The following DNAJC10 variants were observed in gnomAD, a reference collection of about 807,000 sequenced individuals.
DNAJC10 encodes the protein DnaJ heat shock protein family (Hsp40) member C10, also known as endoplasmic reticulum disulfide reductase DNAJC10.
A neutral mutation model predicts 115.0 loss-of-function variants in DNAJC10; 101 were observed. The ratio of observed to expected loss-of-function variants is 0.88; its 90% CI spans 0.75 to 1.04. The LOEUF is 1.04. Among genes scored for constraint, DNAJC10 ranks in the 50% least tolerant of loss-of-function variants. The pLI is 0.00. For missense variants in DNAJC10, 981 were observed against 928.8 expected, an observed-to-expected ratio of 1.06 and a Z score of -0.73; for synonymous variants, 307 against 301.5, an observed-to-expected ratio of 1.02 and a Z score of -0.19.
At chr2:182,728,134 A>G (rs1444339720) in intron 5 of DNAJC10, among the ~76,000 whole-genome samples, 1 of 152,182 alleles carries the variant, frequency 6.6e-6, no homozygotes, top group Admixed American at 6.5e-5. Context: ...GACTAAACCT[A>G]CTTAACCTGT....
At chr2:182,742,277 T>G (rs1359796073) in intron 13 of DNAJC10, among the ~76,000 whole-genome samples, 1 of 152,150 alleles carries the variant, frequency 6.6e-6, no homozygotes, top group African/African-American at 2.4e-5. Context: ...CTCAGCCTCA[T>G]GGGTTCAAGT....
In DNAJC10 at chr2:182,792,752, T is replaced by A. The variant is rs756877457; in HGVS notation, c.*15620T>A. ...GGCCTTCCTGAATAGAAATCATTTATGAGGAAGTTACATGAGCTCAACATG... is the reference window on the plus strand; with the variant it reads ...GGCCTTCCTGAATAGAAATCATTTAAGAGGAAGTTACATGAGCTCAACATG... On this transcript the variant is annotated 3_prime_UTR_variant, in exon 24 of 24. Transcript: ENST00000264065. 2 of 152,232 alleles carry A rather than the reference T, an allele frequency of 1.3e-5. No individual in the cohort carries two copies. Among genetic ancestry groups the A allele is most frequent in the Non-Finnish European group, 2.9e-5 (2 of 68,048 alleles). The allele number at this position is 152,232 out of a possible 1,614,324, so 9.4% of individuals were successfully genotyped here.
rs113946030 is a variant in DNAJC10 at position 182,788,834 on chromosome 2, T to G, written c.*11702T>G. On this transcript the variant is annotated 3_prime_UTR_variant, in exon 24 of 24. Transcript: ENST00000264065. ...TCACTTAGTATGTCTACGGATTTTT[T>G]GGGGAAGAGAGATTTCACGTTAAAG... The G allele has an allele frequency of 3.4e-4, 157 of 456,398 alleles. 1 individual carries two copies. Among genetic ancestry groups the G allele is most frequent in the African/African-American group, 2.8e-3 (139 of 50,160 alleles). The allele number at this position is 456,398 out of a possible 1,614,324, so 28.3% of individuals were successfully genotyped here. A position where few individuals can be genotyped will look rare whatever the true frequency, so the allele number is the denominator to read the frequency against.
intron 5 of DNAJC10, among the ~76,000 whole-genome samples, chr2:182,723,143 G>A (rs1011860117): frequency 1.4e-5 from 2 of 147,204 alleles, no homozygotes; most frequent in African/African-American, 2.5e-5. Context: ...GGGTTCAAGC[G>A]ATTCTCCTGC....
Position 182,780,967 on chromosome 2 carries a change from GCTGT to G in DNAJC10, c.*3836_*3839del, listed in dbSNP as rs1411821306. On this transcript the variant is annotated 3_prime_UTR_variant, in exon 24 of 24. Transcript: ENST00000264065. ...GATAGACAATCTTCATTAAGCAACT[GCTGT>G]TTTTTTTTTTTAATACTTCAAGTTC... is the stretch of plus-strand genomic sequence containing the variant. 1.2e-5 allele frequency: 1 copy of G among 83,884 alleles called. No homozygotes were observed. Among genetic ancestry groups the G allele is most frequent in the Non-Finnish European group, 2.4e-5 (1 of 42,010 alleles). 5.2% of individuals were successfully genotyped at this position (83,884 alleles called of 1,614,324 possible). A position where few individuals can be genotyped will look rare whatever the true frequency, so the allele number is the denominator to read the frequency against.
chr2:182,745,543 T>C (rs531336258), intron 14 of DNAJC10, among the ~76,000 whole-genome samples: 1 of 152,220 alleles, frequency 6.6e-6, no homozygotes, highest in Non-Finnish European at 1.5e-5. Flanking sequence ...TTACATTGTT[T>C]CTTTGGATTA....
Position 182,786,385 on chromosome 2 carries a change from C to G in DNAJC10, c.*9253C>G, listed in dbSNP as rs1038970010. 1.3e-5 allele frequency: 2 copies of G among 152,156 alleles called. No homozygotes were observed. The highest frequency in any genetic ancestry group is 2.9e-5 in the Non-Finnish European group (2 of 68,030). The allele number at this position is 152,156 out of a possible 1,614,324, so 9.4% of individuals were successfully genotyped here. The stretch of plus-strand genomic sequence containing the variant: ...ATTTCACCATTTTGAGCCTCAAGCT[C>G]TCAATATACTGGAAAATTGTAATCC... On this transcript the variant is annotated 3_prime_UTR_variant, in exon 24 of 24. Coordinates refer to ENST00000264065, the MANE Select transcript of DNAJC10 (RefSeq NM_018981.4).
intron 22 of DNAJC10, among the ~76,000 whole-genome samples, chr2:182,772,304 G>C (rs916169393): frequency 1.3e-5 from 2 of 152,168 alleles, no homozygotes; most frequent in African/African-American, 4.8e-5. Flanking sequence ...TGTTGATTTG[G>C]GGTGGAGAGT....
chr2:182,787,437 G>A lies in DNAJC10; in HGVS notation c.*10305G>A, dbSNP rs904644832. On this transcript the variant is annotated 3_prime_UTR_variant, in exon 24 of 24. Transcript: ENST00000264065. ...CTATTCAAGAAGTTTATACAAACCC[G>A]TAATGTACTACCAAACCGTTCATTC... 2 of 152,260 alleles carry A rather than the reference G, an allele frequency of 1.3e-5. No homozygotes were observed. Among genetic ancestry groups the A allele is most frequent in the African/African-American group, 2.4e-5 (1 of 41,554 alleles). The allele number at this position is 152,260 out of a possible 1,614,324, so 9.4% of individuals were successfully genotyped here.
intron 22 of DNAJC10, among the ~76,000 whole-genome samples, chr2:182,768,641 C>T (rs1694477825): frequency 6.6e-6 from 1 of 152,098 alleles, no homozygotes; most frequent in Admixed American, 6.6e-5. Flanking sequence ...GGCCCCAGAT[C>T]CAAATAAGCA....
chr2:182,781,338 G>A lies in DNAJC10; in HGVS notation c.*4206G>A, dbSNP rs558085787. 1 of 152,118 alleles carries A rather than the reference G, an allele frequency of 6.6e-6. No homozygotes were observed. Among genetic ancestry groups the A allele is most frequent in the South Asian group, 2.1e-4 (1 of 4,810 alleles). The allele number at this position is 152,118 out of a possible 1,614,324, so 9.4% of individuals were successfully genotyped here. On this transcript the variant is annotated 3_prime_UTR_variant, in exon 24 of 24. Transcript: ENST00000264065. ...GCATAGTATTCCATGGTGTGTTTGT[G>A]CCCGTTTCTTTATCCAGTCTAACAT...
intron 10 of DNAJC10, among the ~76,000 whole-genome samples, chr2:182,733,820 GATA>G (rs1693514549): frequency 6.7e-6 from 1 of 150,138 alleles, no homozygotes; most frequent in African/African-American, 2.5e-5. Context: ...TAGATAGATA[GATA>G]GATAGATTTT....
At chr2:182,756,782 G>T (rs1694167903) in intron 18 of DNAJC10, among the ~76,000 whole-genome samples, 3 of 152,056 alleles carry the variant, frequency 2.0e-5, no homozygotes, top group African/African-American at 7.2e-5. Flanking sequence ...GGGATTACAG[G>T]CATGTGCCAC....
rs890199914 is a variant in DNAJC10, at chr2:182,780,674, G to A, written c.*3542G>A. 4 of 152,128 alleles carry A rather than the reference G, an allele frequency of 2.6e-5. No individual in the cohort carries two copies. The East Asian group carries it at 7.7e-4, about 29-fold the overall frequency. The allele number at this position is 152,128 out of a possible 1,614,324, so 9.4% of individuals were successfully genotyped here. The stretch of plus-strand genomic sequence containing the variant: ...ACAAAAATGTGTTTCACTGGCTTGA[G>A]TCATTTTTCTGTTTAACACTGAATT... On this transcript the variant is annotated 3_prime_UTR_variant, in exon 24 of 24. Transcript: ENST00000264065.
chr2:182,766,885 C>T (rs1694426859), intron 22 of DNAJC10, among the ~76,000 whole-genome samples: 1 of 152,014 alleles, frequency 6.6e-6, no homozygotes, highest in African/African-American at 2.4e-5. Context: ...ACGGGGCCAA[C>T]AGATGCAGGT....
intron 21 of DNAJC10, among the ~76,000 whole-genome samples, chr2:182,760,240 G>C (rs907589751): frequency 1.3e-5 from 2 of 152,098 alleles, no homozygotes. Context: ...GCAAAACTCA[G>C]CTCCGATGGC....
At chr2:182,730,332 A>G (rs1693411444) in intron 8 of DNAJC10, among the ~76,000 whole-genome samples, 1 of 152,222 alleles carries the variant, frequency 6.6e-6, no homozygotes, top group South Asian at 2.1e-4. Context: ...TTAACTCATT[A>G]ACTGCCTTTA....
chr2:182,734,050 A>G (rs1380190381), intron 10 of DNAJC10, among the ~76,000 whole-genome samples: 2 of 146,958 alleles, frequency 1.4e-5, no homozygotes, highest in Non-Finnish European at 3.0e-5. Context: ...CTTAACCTTT[A>G]TAAGTCTTTT....
chr2:182,761,767 ATGAT>A (rs1014160898), intron 21 of DNAJC10, among the ~76,000 whole-genome samples: 11 of 152,088 alleles, frequency 7.2e-5, no homozygotes, highest in African/African-American at 2.4e-4. Context: ...ATCGAAGAGA[ATGAT>A]TGGGGTACAT....
Sources: gnomAD v4.1 joint callset for allele counts (sites outside exome capture counted in the v4.1 genomes callset) on GRCh38, gnomAD v4.1.1 for gene constraint, MANE v1.5 for transcripts, NCBI Gene and HGNC (gene_info 2026-07-23, HGNC 2026-07-21) for gene names.